Variants in COMMD1 observed in about 807,000 individuals in gnomAD.
The protein encoded by COMMD1 is copper metabolism domain containing 1.
A neutral mutation model predicts 17.2 loss-of-function variants in COMMD1; 10 were observed. The ratio of observed to expected loss-of-function variants is 0.58; its 90% CI spans 0.36 to 0.99. The LOEUF (loss-of-function observed/expected upper bound fraction) is 0.99. Ranked by LOEUF, COMMD1 falls within the 50% of genes least tolerant of loss-of-function variation. The pLI, the probability that COMMD1 is intolerant of heterozygous loss-of-function variation, is 0.01. For synonymous variants in COMMD1, 97 were observed against 91.6 expected, an observed-to-expected ratio of 1.06 and a Z score of -0.34; for missense variants, 270 against 231.8, an observed-to-expected ratio of 1.17 and a Z score of -1.07.
At chr2:62,043,802 A>G (rs1034847891) in intron 2 of COMMD1, among the ~76,000 whole-genome samples, 2 of 152,172 alleles carry the variant, frequency 1.3e-5, no homozygotes, top group East Asian at 3.8e-4. Flanking sequence ...AACCATGAGA[A>G]CATTAAGCCA....
intron 1 of COMMD1, among the ~76,000 whole-genome samples, chr2:61,985,366 A>G (rs908756689): frequency 6.6e-6 from 1 of 152,132 alleles, no homozygotes. Flanking sequence ...GTGTCTTTAT[A>G]GGTGAAGTGT....
chr2:61,897,803 C>T (rs1669581186), intron 1 of COMMD1, among the ~76,000 whole-genome samples: 1 of 152,090 alleles, frequency 6.6e-6, no homozygotes, highest in Non-Finnish European at 1.5e-5. Flanking sequence ...ATCCCTATGT[C>T]CTAGGCCCTG....
intron 1 of COMMD1, among the ~76,000 whole-genome samples, chr2:61,983,511 T>C (rs1435987933): frequency 6.6e-6 from 1 of 152,138 alleles, no homozygotes; most frequent in African/African-American, 2.4e-5. Flanking sequence ...TTAATGCATG[T>C]TCATCTTGTT....
Position 61,944,397 on chromosome 2 carries a change from G to A in COMMD1, c.180+38539G>A, listed in dbSNP as rs187696374. ...GCCTGGGAAGTTGAGACTGCAGTGA[G>A]CCATGATGGTGTCAGAGGACTCCAG... is the stretch of plus-strand genomic sequence containing the variant. On this transcript the variant is annotated intron_variant, in intron 1 of 2. Transcript: ENST00000311832. Among the ~76,000 whole-genome samples the A allele has an allele frequency of 2.2e-4, 33 of 152,130 alleles. 1 individual carries two copies. In the South Asian group the frequency reaches 2.3e-3, roughly 11 times the overall value.
chr2:61,952,163 G>A (rs1671074268), intron 1 of COMMD1, among the ~76,000 whole-genome samples: 2 of 152,172 alleles, frequency 1.3e-5, no homozygotes, highest in South Asian at 4.2e-4. Flanking sequence ...ATGATGGGAA[G>A]AATTTAGTTT....
At chr2:61,935,567 G>T (rs915023557) in intron 1 of COMMD1, among the ~76,000 whole-genome samples, 1 of 150,252 alleles carries the variant, frequency 6.7e-6, no homozygotes, top group Non-Finnish European at 1.5e-5. Flanking sequence ...GGTGGATGTT[G>T]CAGTGAGCCG....
At chr2:61,954,523 G>A (rs371561335) in intron 1 of COMMD1, among the ~76,000 whole-genome samples, 1 of 152,300 alleles carries the variant, frequency 6.6e-6, no homozygotes, top group Non-Finnish European at 1.5e-5. Flanking sequence ...TGTGAGAAAG[G>A]TAAGAGGGAA....
chr2:62,032,026 C>T lies in COMMD1; in HGVS notation c.462+31044C>T, dbSNP rs79937770. Among the ~76,000 whole-genome samples the T allele has an allele frequency of 4.2e-4, 64 of 152,296 alleles. No homozygotes were observed. In the East Asian group the frequency reaches 0.01, roughly 24 times the overall value. On this transcript the variant is annotated intron_variant, in intron 2 of 2. Transcript: ENST00000311832. Reference sequence around the variant, plus strand: ...CTTTAACACTTTAGTATGTATAACACAATCTAACACTTCATACAATTTATT... The same window carrying T: ...CTTTAACACTTTAGTATGTATAACATAATCTAACACTTCATACAATTTATT...
At chr2:62,120,872 G>GCCA (rs2104072627) in intron 2 of COMMD1, among the ~76,000 whole-genome samples, 1 of 152,100 alleles carries the variant, frequency 6.6e-6, no homozygotes, top group East Asian at 1.9e-4. Context: ...ACAGGCATGT[G>GCCA]CCACCATATC....
At chr2:61,936,628 C>G (rs1367334113) in intron 1 of COMMD1, among the ~76,000 whole-genome samples, 2 of 152,142 alleles carry the variant, frequency 1.3e-5, no homozygotes, top group African/African-American at 4.8e-5. Context: ...GAGACAGGGT[C>G]TTGCCTTATT....
At chr2:61,920,094 C>G (rs1050745444) in intron 1 of COMMD1, among the ~76,000 whole-genome samples, 1 of 152,194 alleles carries the variant, frequency 6.6e-6, no homozygotes, top group Non-Finnish European at 1.5e-5. Flanking sequence ...TGAAAAAGAT[C>G]TAGTACAGCT....
At chr2:62,116,298 G>T (rs1275726740) in intron 2 of COMMD1, among the ~76,000 whole-genome samples, 1 of 152,148 alleles carries the variant, frequency 6.6e-6, no homozygotes, top group Non-Finnish European at 1.5e-5. Flanking sequence ...TCCTCCATTG[G>T]TAAAAAAGTT....
At chr2:62,107,641 A>G (rs1339185740) in intron 2 of COMMD1, among the ~76,000 whole-genome samples, 2 of 152,232 alleles carry the variant, frequency 1.3e-5, no homozygotes, top group African/African-American at 2.4e-5. Flanking sequence ...TTAGAAAGAA[A>G]TAGCCTCTTA....
At chr2:61,924,809 C>T (rs72821340) in intron 1 of COMMD1, among the ~76,000 whole-genome samples, 3,200 of 152,162 alleles carry the variant, frequency 0.021, 66 homozygotes, top group Middle Eastern at 0.031. Flanking sequence ...ATTGAGATCA[C>T]GGAATGGAGG....
intron 2 of COMMD1, among the ~76,000 whole-genome samples, chr2:62,090,111 A>G (rs959980045): frequency 6.6e-6 from 1 of 152,154 alleles, no homozygotes; most frequent in Non-Finnish European, 1.5e-5. Flanking sequence ...ATCCCAGGTC[A>G]TATTTATTTT....
chr2:61,977,806 G>A (rs916832571), intron 1 of COMMD1, among the ~76,000 whole-genome samples: 1 of 151,874 alleles, frequency 6.6e-6, no homozygotes, highest in Non-Finnish European at 1.5e-5. Flanking sequence ...GGCCCATGTG[G>A]TGAAACCCCA....
chr2:62,053,873 T>C (rs1440094457), intron 2 of COMMD1, among the ~76,000 whole-genome samples: 1 of 152,212 alleles, frequency 6.6e-6, no homozygotes, highest in African/African-American at 2.4e-5. Context: ...GAACTTAAAC[T>C]TTCTGCACAG....
At chr2:61,955,057 A>G (rs1044777921) in intron 1 of COMMD1, among the ~76,000 whole-genome samples, 1 of 152,260 alleles carries the variant, frequency 6.6e-6, no homozygotes, top group Non-Finnish European at 1.5e-5. Context: ...AGCCCTATAA[A>G]TCACGAGTTT....
intron 2 of COMMD1, among the ~76,000 whole-genome samples, chr2:62,072,564 C>T (rs146233034): frequency 3.9e-5 from 6 of 152,304 alleles, no homozygotes; most frequent in South Asian, 2.1e-4. Flanking sequence ...GAACCTGGGA[C>T]GTGCCGAAGG....
Sources: allele counts gnomAD v4.1 joint callset (sites outside exome capture counted in the v4.1 genomes callset), GRCh38; gene constraint gnomAD v4.1.1; transcripts MANE v1.5; gene names NCBI Gene and HGNC (gene_info 2026-07-23, HGNC 2026-07-21).